OTOP2: variants seen among roughly 807,000 people sequenced by gnomAD.
OTOP2 encodes the protein proton channel OTOP2.
In OTOP2, 41 loss-of-function variants were observed where a neutral mutation model predicts 47.4. That is an observed-to-expected ratio of 0.87 (90% CI 0.67 to 1.12). The LOEUF is 1.12. Ranked by LOEUF, OTOP2 falls within the 50% of genes most tolerant of loss-of-function variation. The pLI, the probability that OTOP2 is intolerant of heterozygous loss-of-function variation, is 0.00. For missense variants in OTOP2, 721 were observed against 752.2 expected, an observed-to-expected ratio of 0.96 and a Z score of 0.49; for synonymous variants, 328 against 319.6, an observed-to-expected ratio of 1.03 and a Z score of -0.28.
At position 74,930,296 on chromosome 17, in the gene OTOP2, G is replaced by T; in HGVS notation, c.661G>T (p.Val221Phe). The change falls in exon 6 of 7, where the codon GTC (valine) becomes TTC (phenylalanine). Residue 221 changes from valine (V) to phenylalanine (F), a missense_variant. Val to Phe is a conservative substitution (Grantham distance 50). Coordinates refer to ENST00000331427, the MANE Select transcript of OTOP2 (RefSeq NM_178160.3). This position sits in a 1 kb window ranked among gnomAD's most constrained non-coding sequence, Gnocchi z 4.0. The part of the protein sequence containing the change: ...LISDQHADNP[V>F]GGDSCLCSTA... ...CACAACAGAGCATGCAGACAACCCG[G>T]TCGGAGGAGACTCCTGCCTCTGCAG... 2 of 1,613,144 alleles carry T rather than the reference G, an allele frequency of 1.2e-6. No individual in the cohort carries two copies. The highest frequency in any genetic ancestry group is 4.5e-5 in the East Asian group (2 of 44,860).
Position 74,930,583 on chromosome 17 carries a change from G to C in OTOP2, c.948G>C (p.Gly316=), listed in dbSNP as rs747697496. The part of the protein sequence containing the change: ...VFIIYEVQVS[G]DGSRTRQALV... Reference sequence around the variant, plus strand: ...TCATCTACGAGGTTCAAGTGAGCGGGGACGGGAGCCGCACCAGGCAGGCCC... The same window carrying C: ...TCATCTACGAGGTTCAAGTGAGCGGCGACGGGAGCCGCACCAGGCAGGCCC... Residue 316 remains glycine, a synonymous_variant, in exon 6 of 7, where the codon GGG becomes GGC. Coordinates refer to ENST00000331427, the MANE Select transcript of OTOP2 (RefSeq NM_178160.3). This position sits in a 1 kb window ranked among gnomAD's most constrained non-coding sequence, Gnocchi z 4.0. 6.2e-7 allele frequency: 1 copy of C among 1,613,962 alleles called. No individual in the cohort carries two copies. The highest frequency in any genetic ancestry group is 1.1e-5 in the South Asian group (1 of 91,068).
At chr17:74,925,076 G>T in intron 2 of OTOP2, 131 bp downstream of exon 2, 1 of 1,176,586 alleles carries the variant, frequency 8.5e-7, no homozygotes, top group East Asian at 2.6e-5. Flanking sequence ...CAGGAGGACC[G>T]GAGGGTGAAG....
rs1465650255 is a variant in OTOP2, at chr17:74,925,672, G to T, written c.430G>T (p.Ala144Ser). The change falls in exon 3 of 7, where the codon GCT becomes TCT. Residue 144 changes from alanine to serine, a missense_variant. Transcript: ENST00000331427. ...CAAGATCCTGCACCCCCTCATCCAG[G>T]CTGTGTTTGTCATCATCCAGGTGGG... ...AIKILHPLIQAVFVIIQTYFL... is the reference protein window; with the variant it reads ...AIKILHPLIQSVFVIIQTYFL... 2 of 1,614,020 alleles carry T rather than the reference G, an allele frequency of 1.2e-6. No homozygotes were observed. The highest frequency in any genetic ancestry group is 1.3e-5 in the African/African-American group (1 of 74,896).
At chr17:74,928,890 C>G (rs2039032357) in intron 5 of OTOP2, among the ~76,000 whole-genome samples, 1 of 152,128 alleles carries the variant, frequency 6.6e-6, no homozygotes, top group Non-Finnish European at 1.5e-5. Flanking sequence ...CCCAGCCCAG[C>G]AAGCCTTACA....
Position 74,925,555 on chromosome 17 carries a change from G to C in OTOP2, c.314-1G>C, listed in dbSNP as rs777017311. The C allele has an allele frequency of 2.5e-6, 4 of 1,613,678 alleles. No homozygotes were observed. Among genetic ancestry groups the C allele is most frequent in the Non-Finnish European group, 3.4e-6 (4 of 1,179,734 alleles). The stretch of plus-strand genomic sequence containing the variant: ...ACCACCCACCCACCCCTGGTTTCCA[G>C]GTGGGCTGGTGCTGTTTGGAATCTG... On this transcript the variant is annotated splice_acceptor_variant, in intron 2 of 6. Transcript: ENST00000331427. LOFTEE classifies it high-confidence loss of function.
chr17:74,933,693 T>C lies in OTOP2; in HGVS notation c.*148T>C. On this transcript the variant is annotated 3_prime_UTR_variant, in exon 7 of 7. Coordinates refer to ENST00000331427, the MANE Select transcript of OTOP2 (RefSeq NM_178160.3). This position sits in a 1 kb window ranked among gnomAD's most constrained non-coding sequence, Gnocchi z 4.7. Reference sequence around the variant, plus strand: ...GTGGAATTTTCACAAAAGTTATTTTTCCAGGTTCAATTTTTAAATCACAGT... The same window carrying C: ...GTGGAATTTTCACAAAAGTTATTTTCCCAGGTTCAATTTTTAAATCACAGT... 3.0e-6 allele frequency: 3 copies of C among 999,908 alleles called. No homozygotes were observed. Among genetic ancestry groups the C allele is most frequent in the Non-Finnish European group, 4.2e-6 (3 of 715,528 alleles). 61.9% of individuals were successfully genotyped at this position (999,908 alleles called of 1,614,324 possible). A position where few individuals can be genotyped will look rare whatever the true frequency, so the allele number is the denominator to read the frequency against.
chr17:74,924,677 G>A lies in OTOP2; in HGVS notation c.45G>A (p.Ala15=). Reference sequence around the variant, plus strand: ...AGGGCCCCAAGGAGAGCCCCCCGGCGCCGCGTGCGGGCCCCAGGGAGGTGT... The same window carrying A: ...AGGGCCCCAAGGAGAGCCCCCCGGCACCGCGTGCGGGCCCCAGGGAGGTGT... ...LAQGPKESPP[A]PRAGPREVWK... Residue 15 remains alanine, a synonymous_variant, in exon 2 of 7, where the codon GCG becomes GCA. Coordinates refer to ENST00000331427, the MANE Select transcript of OTOP2 (RefSeq NM_178160.3). This position sits in a 1 kb window ranked among gnomAD's most constrained non-coding sequence, Gnocchi z 7.7. The A allele has an allele frequency of 1.3e-6, 2 of 1,595,802 alleles. No individual in the cohort carries two copies. The highest frequency in any genetic ancestry group is 2.2e-5 in the East Asian group (1 of 44,478).
intron 2 of OTOP2, 141 bp downstream of exon 2, chr17:74,925,086 G>A: frequency 9.2e-7 from 1 of 1,091,592 alleles, no homozygotes; most frequent in Non-Finnish European, 1.3e-6. Flanking sequence ...GGAGGGTGAA[G>A]TGGGCTGCAG....
intron 6 of OTOP2, among the ~76,000 whole-genome samples, chr17:74,932,504 C>A (rs1042924563): frequency 6.6e-6 from 1 of 152,236 alleles, no homozygotes; most frequent in Non-Finnish European, 1.5e-5. Flanking sequence ...TCTGACCCTA[C>A]CAGCAGAATC....
chr17:74,927,684 C>T lies in OTOP2; in HGVS notation c.529C>T (p.Leu177Phe), dbSNP rs150472678. 5.8e-4 allele frequency: 938 copies of T among 1,613,890 alleles called. No individual in the cohort carries two copies. The highest frequency in any genetic ancestry group is 7.4e-4 in the Non-Finnish European group (870 of 1,179,912). Reference sequence around the variant, plus strand: ...AAACAGGTGTGGTCTCATGTTCACACTCACCACCAACCTGGCCATCTGGAT... The same window carrying T: ...AAACAGGTGTGGTCTCATGTTCACATTCACCACCAACCTGGCCATCTGGAT... The part of the protein sequence containing the change: ...DLTWCGLMFT[L>F]TTNLAIWMAA... The change falls in exon 5 of 7, where the codon CTC (leucine) becomes TTC (phenylalanine). Residue 177 changes from leucine to phenylalanine, a missense_variant. Physicochemically the swap from Leu to Phe is conservative, Grantham distance 22 (BLOSUM62 0). Coordinates refer to ENST00000331427, the MANE Select transcript of OTOP2 (RefSeq NM_178160.3).
chr17:74,930,540 TG>T lies in OTOP2; in HGVS notation c.909del (p.Leu304TrpfsTer11). ...GTTCTGGGCCTGCTGCTCTTCGTGG[TG>T]GGGCTGGCTGTCTTCATCATCTACG... The part of the protein sequence containing the change: ...GPVLGLLLFV[V>X]GLAVFIIYEV... On this transcript the variant is annotated frameshift_variant, in exon 6 of 7. Coordinates refer to ENST00000331427, the MANE Select transcript of OTOP2 (RefSeq NM_178160.3). LOFTEE classifies it high-confidence loss of function. This position sits in a 1 kb window ranked among gnomAD's most constrained non-coding sequence, Gnocchi z 4.0. 1 of 1,612,820 alleles carries T rather than the reference TG, an allele frequency of 6.2e-7. No individual in the cohort carries two copies. The highest frequency in any genetic ancestry group is 8.5e-7 in the Non-Finnish European group (1 of 1,178,952).
Position 74,925,636 on chromosome 17 carries a change from C to T in OTOP2, c.394C>T (p.Gln132Ter), listed in dbSNP as rs2144763616. 1.2e-6 allele frequency: 2 copies of T among 1,614,154 alleles called. No individual in the cohort carries two copies. The highest frequency in any genetic ancestry group is 2.2e-5 in the South Asian group (2 of 91,080). ...TGYYSSFFEC[Q>*]SAIKILHPLI... Reference sequence around the variant, plus strand: ...CTACTACTCCAGTTTCTTTGAGTGCCAGTCAGCCATCAAGATCCTGCACCC... The same window carrying T: ...CTACTACTCCAGTTTCTTTGAGTGCTAGTCAGCCATCAAGATCCTGCACCC... The change falls in exon 3 of 7, where the codon CAG (glutamine) becomes TAG (stop). Residue 132 changes from glutamine (Q) to a stop codon, truncating the protein, a stop_gained. Transcript: ENST00000331427. LOFTEE classifies it high-confidence loss of function.
In OTOP2 at chr17:74,931,059, G is replaced by C. The variant is rs537885758; in HGVS notation, c.1424G>C (p.Arg475Pro). 2.5e-6 allele frequency: 4 copies of C among 1,614,080 alleles called. No homozygotes were observed. Among genetic ancestry groups the C allele is most frequent in the Non-Finnish European group, 2.5e-6 (3 of 1,180,000 alleles). ...GTTAGCCCCAGCCCTTCAGACCAGC[G>C]GGAAGCAGTGGCCATCGTCTCAACC... ...GLVSPSPSDQREAVAIVSTPR... is the reference protein window; with the variant it reads ...GLVSPSPSDQPEAVAIVSTPR... Residue 475 changes from arginine (R) to proline (P), a missense_variant, in exon 6 of 7, where the codon CGG (arginine) becomes CCG (proline). Arg to Pro is a moderately radical substitution (Grantham distance 103, BLOSUM62 -2). Transcript: ENST00000331427.
chr17:74,929,918 C>T (rs2039039894), intron 5 of OTOP2, among the ~76,000 whole-genome samples: 1 of 152,174 alleles, frequency 6.6e-6, no homozygotes, highest in Admixed American at 6.5e-5. Flanking sequence ...CGTGGTGGCT[C>T]ACGCCTGTAA....
intron 5 of OTOP2, 114 bp downstream of exon 5, chr17:74,927,912 A>C: frequency 7.4e-7 from 1 of 1,357,428 alleles, no homozygotes; most frequent in Non-Finnish European, 9.9e-7. Flanking sequence ...CAAAGGACAG[A>C]GCCAGGGTCC....
intron 5 of OTOP2, among the ~76,000 whole-genome samples, chr17:74,929,467 C>T (rs188131435): frequency 3.7e-4 from 57 of 152,156 alleles, no homozygotes; most frequent in Non-Finnish European, 6.6e-4. Context: ...GCTCTGTCAC[C>T]CAGGCTGGAG....
At position 74,927,655 on chromosome 17, in the gene OTOP2, C is replaced by A. The variant is rs1439809225; in HGVS notation, c.510-10C>A. The A allele has an allele frequency of 6.2e-7, 1 of 1,610,884 alleles. No individual in the cohort carries two copies. Among genetic ancestry groups the A allele is most frequent in the Non-Finnish European group, 8.5e-7 (1 of 1,178,246 alleles). ...CAGGCCTCTTTGTCCCCACCCCTGA[C>A]CCCAAACAGGTGTGGTCTCATGTTC... On this transcript the variant is annotated splice_polypyrimidine_tract_variant and intron_variant, in intron 4 of 6. Transcript: ENST00000331427.
At chr17:74,927,179 C>G in intron 3 of OTOP2, 44 bp from the exon 4 acceptor site, 2 of 1,544,184 alleles carry the variant, frequency 1.3e-6, no homozygotes, top group Non-Finnish European at 1.8e-6. Flanking sequence ...GGAGTTTTGT[C>G]CATCTATGGA....
intron 4 of OTOP2, 142 bp from the exon 5 acceptor site, chr17:74,927,523 G>A: frequency 8.0e-7 from 1 of 1,254,354 alleles, no homozygotes; most frequent in Non-Finnish European, 1.1e-6. Context: ...ATACCAGCCA[G>A]GCTGTGTTCC....
Sources: allele counts gnomAD v4.1 joint callset (sites outside exome capture counted in the v4.1 genomes callset), GRCh38; gene constraint gnomAD v4.1.1; non-coding constraint Gnocchi (gnomAD v3.1); transcripts MANE v1.5; gene names NCBI Gene and HGNC (gene_info 2026-07-23, HGNC 2026-07-21).